STPG2: variants seen among roughly 807,000 people sequenced by gnomAD.
STPG2 encodes the protein sperm tail PG-rich repeat containing 2, also known as sperm-tail PG-rich repeat-containing protein 2.
Under a neutral mutation model 54.2 loss-of-function variants are expected in STPG2, and 56 were observed. The observed-to-expected ratio is 1.03, with a 90% CI of 0.83 to 1.29. STPG2 has a LOEUF of 1.29. STPG2 is among the 50% of genes most tolerant of loss of function. STPG2 has a pLI of 0.00. For missense variants in STPG2, 596 were observed against 544.9 expected (o/e 1.09, Z -0.93); for synonymous variants, 200 against 181.8 (o/e 1.10, Z -0.81).
At chr4:97,849,719 A>T (rs965451473) in intron 8 of STPG2, among the ~76,000 whole-genome samples, 13 of 151,876 alleles carry the variant, frequency 8.6e-5, no homozygotes, top group Admixed American at 7.2e-4. Context: ...AACCACTATG[A>T]GATACCATCT....
At chr4:97,506,004 C>T (rs1203971790) in intron 4 of STPG2, among the ~76,000 whole-genome samples, 1 of 72,062 alleles carries the variant, frequency 1.4e-5, no homozygotes, top group Non-Finnish European at 2.5e-5. Flanking sequence ...AATTCAGGAC[C>T]AGAAAATAGG....
intron 10 of STPG2, among the ~76,000 whole-genome samples, chr4:97,564,512 C>A (rs1732366569): frequency 6.6e-6 from 1 of 152,158 alleles, no homozygotes; most frequent in African/African-American, 2.4e-5. Flanking sequence ...TTAGTTGATG[C>A]AGTTTCTTCC....
chr4:97,903,826 A>G (rs989312704), intron 8 of STPG2, among the ~76,000 whole-genome samples: 3 of 152,188 alleles, frequency 2.0e-5, no homozygotes, highest in Admixed American at 6.5e-5. Context: ...CCTAGTCAAA[A>G]AAAGGGGTGA....
intron 10 of STPG2, among the ~76,000 whole-genome samples, chr4:97,692,110 A>G (rs1300560585): frequency 6.6e-6 from 1 of 152,180 alleles, no homozygotes; most frequent in Non-Finnish European, 1.5e-5. Flanking sequence ...CTCCAGTAAT[A>G]TGACAAAACA....
At chr4:97,621,608 G>A (rs76142193) in intron 10 of STPG2, among the ~76,000 whole-genome samples, 20,787 of 152,074 alleles carry the variant, frequency 0.14, 4,138 homozygotes, top group African/African-American at 0.44. Context: ...CAGACCAACA[G>A]TGAGTTCCAA....
At chr4:98,019,748 G>C (rs1156367905) in intron 5 of STPG2, among the ~76,000 whole-genome samples, 1 of 122,814 alleles carries the variant, frequency 8.1e-6, no homozygotes, top group Non-Finnish European at 1.8e-5. Context: ...TCGTAAGGTG[G>C]ATTCCTAGGT....
intron 5 of STPG2, among the ~76,000 whole-genome samples, chr4:98,091,242 T>A (rs1738675929): frequency 6.6e-6 from 1 of 152,054 alleles, no homozygotes; most frequent in African/African-American, 2.4e-5. Flanking sequence ...ACCTCATGAT[T>A]TCCCTCTCTC....
At chr4:98,110,376 A>T (rs1267864297) in intron 3 of STPG2, among the ~76,000 whole-genome samples, 1 of 152,182 alleles carries the variant, frequency 6.6e-6, no homozygotes, top group African/African-American at 2.4e-5. Flanking sequence ...TAAAAGGCAA[A>T]ATGGCCGTGT....
chr4:97,931,835 C>A (rs1732559237), intron 8 of STPG2, among the ~76,000 whole-genome samples: 2 of 151,974 alleles, frequency 1.3e-5, no homozygotes, highest in Non-Finnish European at 2.9e-5. Flanking sequence ...CTTCTTTGTA[C>A]ATCTGGTAGA....
chr4:97,741,981 T>C (rs1725254136), intron 9 of STPG2, among the ~76,000 whole-genome samples: 1 of 152,034 alleles, frequency 6.6e-6, no homozygotes, highest in Non-Finnish European at 1.5e-5. Flanking sequence ...CCAACAATGA[T>C]AGACTGGATT....
At chr4:98,091,787 T>A (rs1738700606) in intron 5 of STPG2, among the ~76,000 whole-genome samples, 1 of 152,056 alleles carries the variant, frequency 6.6e-6, no homozygotes, top group Non-Finnish European at 1.5e-5. Context: ...TATATTCAGA[T>A]ATCATTGGAT....
chr4:97,740,765 A>C (rs1725197608), intron 9 of STPG2, among the ~76,000 whole-genome samples: 1 of 152,244 alleles, frequency 6.6e-6, no homozygotes, highest in Non-Finnish European at 1.5e-5. Flanking sequence ...AAGAATCAAT[A>C]TCGTGAAAAT....
chr4:98,103,031 T>A (rs1178557466), intron 5 of STPG2, among the ~76,000 whole-genome samples: 2 of 151,518 alleles, frequency 1.3e-5, no homozygotes, highest in East Asian at 3.9e-4. Context: ...CTCACAATAA[T>A]TAAAATACAT....
At chr4:97,578,857 G>T (rs972568987) in intron 10 of STPG2, among the ~76,000 whole-genome samples, 1 of 152,006 alleles carries the variant, frequency 6.6e-6, no homozygotes, top group Non-Finnish European at 1.5e-5. Flanking sequence ...CTTAGGTATT[G>T]GGTTCAAAGC....
At chr4:97,655,634 C>T (rs1722200065) in intron 10 of STPG2, among the ~76,000 whole-genome samples, 1 of 151,908 alleles carries the variant, frequency 6.6e-6, no homozygotes, top group African/African-American at 2.4e-5. Context: ...TTAATAATGC[C>T]TACAGCACCA....
At chr4:97,497,692 G>GT (rs1006350878) in intron 4 of STPG2, among the ~76,000 whole-genome samples, 7 of 151,820 alleles carry the variant, frequency 4.6e-5, no homozygotes, top group African/African-American at 1.7e-4. Flanking sequence ...TGGTAATACT[G>GT]TAAGTGTTCA....
rs995108807 is a variant in STPG2 at position 97,728,773 on chromosome 4, A to G, written c.1205-15959T>C. ...ACTCAGAAGATCCTATAGAAATACTACATCCACATCAGGCTACAGAAAATA... is the reference window on the plus strand; with the variant it reads ...ACTCAGAAGATCCTATAGAAATACTGCATCCACATCAGGCTACAGAAAATA... On this transcript the variant is annotated intron_variant, in intron 9 of 10. Coordinates refer to ENST00000295268, the MANE Select transcript of STPG2 (RefSeq NM_174952.3). Among the ~76,000 whole-genome samples, 13 of 152,094 alleles carry G rather than the reference A, an allele frequency of 8.5e-5. No individual in the cohort carries two copies. In the South Asian group the frequency reaches 1.4e-3, roughly 17 times the overall value.
intron 8 of STPG2, among the ~76,000 whole-genome samples, chr4:97,940,683 C>T (rs147674799): frequency 1.9e-3 from 296 of 152,244 alleles, no homozygotes; most frequent in African/African-American, 7.0e-3. Context: ...CCAGCTATTT[C>T]ATCCTTCAGC....
At chr4:97,602,096 T>A (rs1168206672) in intron 10 of STPG2, among the ~76,000 whole-genome samples, 1 of 151,876 alleles carries the variant, frequency 6.6e-6, no homozygotes, top group Admixed American at 6.6e-5. Flanking sequence ...ATCTTATGAC[T>A]GAAGATTGCC....
Sources: gnomAD v4.1 joint callset for allele counts (sites outside exome capture counted in the v4.1 genomes callset) on GRCh38, gnomAD v4.1.1 for gene constraint, MANE v1.5 for transcripts, NCBI Gene and HGNC (gene_info 2026-07-23, HGNC 2026-07-21) for gene names.